TENM2: variants seen among roughly 807,000 people sequenced by gnomAD.
TENM2 encodes teneurin transmembrane protein 2.
Under a neutral mutation model 245.2 loss-of-function variants are expected in TENM2, and 52 were observed. The ratio of observed to expected loss-of-function variants is 0.21; its 90% confidence interval spans 0.17 to 0.27. The LOEUF (loss-of-function observed/expected upper bound fraction) is 0.27. Among genes scored for constraint, TENM2 ranks in the 10% least tolerant of loss-of-function variants. The pLI, the probability that TENM2 is intolerant of heterozygous loss-of-function variation, is 1.00. For synonymous variants in TENM2, 1,363 were observed against 1,438.9 expected (o/e 0.95, Z 1.19); for missense variants, 3,046 against 3,666.8 (o/e 0.83, Z 4.37).
At chr5:167,975,194 C>A (rs1019611022) in intron 4 of TENM2, among the ~76,000 whole-genome samples, 4 of 152,196 alleles carry the variant, frequency 2.6e-5, no homozygotes, top group African/African-American at 9.6e-5. Flanking sequence ...ATGGCAGTGA[C>A]AAGCTTTTCA....
At chr5:168,026,104 C>T (rs896531564) in intron 5 of TENM2, among the ~76,000 whole-genome samples, 1 of 152,128 alleles carries the variant, frequency 6.6e-6, no homozygotes, top group African/African-American at 2.4e-5. Context: ...AATTTCTTTG[C>T]TCTTCTCAAG....
chr5:168,232,845 C>T (rs1054118445), intron 25 of TENM2, among the ~76,000 whole-genome samples: 3 of 152,156 alleles, frequency 2.0e-5, no homozygotes, highest in Admixed American at 6.5e-5. Flanking sequence ...ATGGATAGAC[C>T]GGGACCACAT....
upstream of TENM2, among the ~76,000 whole-genome samples, chr5:167,281,359 C>T (rs186140825): frequency 1.3e-5 from 2 of 151,556 alleles, no homozygotes; most frequent in Admixed American, 6.6e-5. Flanking sequence ...TCGTTATGCA[C>T]CCTCCTCGAC....
chr5:167,708,519 G>A (rs568492289), intron 2 of TENM2, among the ~76,000 whole-genome samples: 6 of 152,118 alleles, frequency 3.9e-5, no homozygotes, highest in Non-Finnish European at 7.3e-5. Context: ...ATGTAGAAAT[G>A]GCATTCCTCA....
chr5:167,525,987 A>G (rs1040022359), intron 2 of TENM2, among the ~76,000 whole-genome samples: 2 of 152,086 alleles, frequency 1.3e-5, no homozygotes, highest in Non-Finnish European at 2.9e-5. Flanking sequence ...ACATAAATCT[A>G]GATAGCAAAT....
At chr5:167,169,739 C>A in the TENM2 span, among the ~76,000 whole-genome samples, 1 of 152,130 alleles carries the variant, frequency 6.6e-6, no homozygotes, top group Non-Finnish European at 1.5e-5. Context: ...AAAGTTAAAT[C>A]CCAAAATATG....
chr5:168,156,201 T>A (rs1265575073), intron 12 of TENM2, among the ~76,000 whole-genome samples: 1 of 132,706 alleles, frequency 7.5e-6, no homozygotes, highest in Non-Finnish European at 1.5e-5. Flanking sequence ...CCAGATTCCA[T>A]TCCCAGAACT....
chr5:167,896,629 G>A (rs989556227), intron 3 of TENM2, among the ~76,000 whole-genome samples: 1 of 152,186 alleles, frequency 6.6e-6, no homozygotes, highest in Admixed American at 6.5e-5. Context: ...AGGTGGAAAT[G>A]TGCCCTTATT....
intron 2 of TENM2, among the ~76,000 whole-genome samples, chr5:167,794,623 A>G (rs1380440482): frequency 6.6e-6 from 1 of 152,240 alleles, no homozygotes; most frequent in African/African-American, 2.4e-5. Flanking sequence ...AGAAAGAAGT[A>G]GGCAACTGTC....
chr5:167,354,710 T>C (rs1291796555), intron 1 of TENM2, among the ~76,000 whole-genome samples: 2 of 152,250 alleles, frequency 1.3e-5, no homozygotes, highest in African/African-American at 4.8e-5. Context: ...CTTAGGAATA[T>C]TATTTCTTTC....
At chr5:168,190,644 C>T in intron 14 of TENM2, 97 bp downstream of exon 16, 1 of 1,112,034 alleles carries the variant, frequency 9.0e-7, no homozygotes, top group Non-Finnish European at 1.3e-6. Context: ...ACCCAATTGG[C>T]CTGGAATCTG....
intron 1 of TENM2, among the ~76,000 whole-genome samples, chr5:167,301,108 C>T (rs144660965): frequency 5.6e-4 from 86 of 152,224 alleles, no homozygotes; most frequent in East Asian, 5.0e-3. Flanking sequence ...GCTCAGCATC[C>T]GTGATGGCCT....
At chr5:167,572,006 C>T (rs1313847889) in intron 2 of TENM2, among the ~76,000 whole-genome samples, 1 of 152,224 alleles carries the variant, frequency 6.6e-6, no homozygotes, top group East Asian at 1.9e-4. Context: ...TACATCTGAG[C>T]ACTCTCTGTT....
the TENM2 span, among the ~76,000 whole-genome samples, chr5:167,054,971 C>T: frequency 6.6e-5 from 10 of 151,906 alleles, no homozygotes; most frequent in African/African-American, 2.4e-4. Flanking sequence ...TCTCACAGTC[C>T]GTGGCTTGTC....
chr5:167,690,559 A>G (rs763812626), intron 2 of TENM2, among the ~76,000 whole-genome samples: 2 of 152,114 alleles, frequency 1.3e-5, no homozygotes, highest in Non-Finnish European at 2.9e-5. Context: ...TTTTGCGACT[A>G]AATACTTGTG....
At chr5:167,620,236 T>C (rs1778071879) in intron 2 of TENM2, among the ~76,000 whole-genome samples, 1 of 152,054 alleles carries the variant, frequency 6.6e-6, no homozygotes, top group Non-Finnish European at 1.5e-5. Context: ...GTAATCGGTG[T>C]AAACCAAGAG....
intron 2 of TENM2, among the ~76,000 whole-genome samples, chr5:167,683,003 A>G (rs1756836188): frequency 1.3e-5 from 2 of 152,148 alleles, no homozygotes; most frequent in Admixed American, 6.6e-5. Flanking sequence ...CTTTCAAATT[A>G]CCTATAATAA....
intron 3 of TENM2, among the ~76,000 whole-genome samples, chr5:167,906,976 T>C (rs935664482): frequency 2.0e-5 from 3 of 152,210 alleles, no homozygotes; most frequent in African/African-American, 7.2e-5. Flanking sequence ...CTCACGCCTG[T>C]AATCTCCGCA....
At position 167,537,177 on chromosome 5, in the gene TENM2, C is replaced by T. The variant is rs140594736; in HGVS notation, c.502+161704C>T. 7.7e-5 allele frequency among the ~76,000 whole-genome samples: 11 copies of T among 142,534 alleles called. 1 individual carries two copies. The East Asian group carries it at 1.3e-3, about 17-fold the overall frequency. 93.5% of individuals were successfully genotyped at this position (142,534 alleles called of 152,430 possible). On this transcript the variant is annotated intron_variant, in intron 2 of 28. Transcript: ENST00000518659. ...CTGTAATCATAGCACTTTGGGAGGC[C>T]GAGGTGGGAGGATCACTTGAGTACA...
Sources: gnomAD v4.1 joint callset for allele counts (sites outside exome capture counted in the v4.1 genomes callset) on GRCh38, gnomAD v4.1.1 for gene constraint, MANE v1.5 for transcripts, NCBI Gene and HGNC (gene_info 2026-07-23, HGNC 2026-07-21) for gene names.